The following VAV2 variants were observed in gnomAD, a reference collection of about 807,000 sequenced individuals.
The protein encoded by VAV2 is guanine nucleotide exchange factor VAV2.
In VAV2, 67 loss-of-function variants were observed where a neutral mutation model predicts 132.5. The ratio of observed to expected loss-of-function variants is 0.51; its 90% confidence interval spans 0.42 to 0.62. The LOEUF (loss-of-function observed/expected upper bound fraction) is 0.62. Ranked by LOEUF, VAV2 falls within the 20% of genes least tolerant of loss-of-function variation. The pLI, the probability that VAV2 is intolerant of heterozygous loss-of-function variation, is 0.00. For synonymous variants in VAV2, 492 were observed against 443.5 expected, an observed-to-expected ratio of 1.11 and a Z score of -1.37; for missense variants, 938 against 1,153.6, an observed-to-expected ratio of 0.81 and a Z score of 2.71.
chr9:133,801,488 C>A (rs1432717658), intron 9 of VAV2, among the ~76,000 whole-genome samples: 1 of 152,202 alleles, frequency 6.6e-6, no homozygotes, highest in Non-Finnish European at 1.5e-5. Flanking sequence ...ACTCTCTCTC[C>A]GTGGAGTCCA....
chr9:133,974,394 C>T (rs1214814855), intron 1 of VAV2, among the ~76,000 whole-genome samples: 1 of 152,122 alleles, frequency 6.6e-6, no homozygotes. Context: ...AGCCACTCGC[C>T]GGGTGGGAGT....
intron 20 of VAV2, 174 bp from the exon 21 acceptor site, chr9:133,780,113 T>C: frequency 1.3e-6 from 1 of 798,942 alleles, no homozygotes; most frequent in East Asian, 2.6e-5. Context: ...ACCCTGGCAA[T>C]ATATTTCACC....
intron 7 of VAV2, 68 bp downstream of exon 7, chr9:133,808,972 G>A (rs1049982033): frequency 1.4e-6 from 2 of 1,437,990 alleles, no homozygotes; most frequent in Admixed American, 1.8e-5. Context: ...GCACTCCCAG[G>A]AGATAGGTGG....
rs1837448812 is a variant in VAV2 at position 133,857,972 on chromosome 9, T to C, written c.380+3402A>G. ...CTCTGCGCCCAGGAGGCCCTTCCCT[T>C]TGGCCTGCAAACACCTCCCCTTCGT... On this transcript the variant is annotated intron_variant, in intron 3 of 29. Transcript: ENST00000371850. This position sits in a 1 kb window ranked among gnomAD's most constrained non-coding sequence, Gnocchi z 4.0. Among the ~76,000 whole-genome samples the C allele has an allele frequency of 6.6e-6, 1 of 152,176 alleles. No homozygotes were observed. Among genetic ancestry groups the C allele is most frequent in the Admixed American group, 6.5e-5 (1 of 15,282 alleles).
At position 133,762,653 on chromosome 9, in the gene VAV2, C is replaced by G. The variant is rs964115652; in HGVS notation, c.*1409G>C. 1 of 152,836 alleles carries G rather than the reference C, an allele frequency of 6.5e-6. No individual in the cohort carries two copies. The highest frequency in any genetic ancestry group is 1.5e-5 in the Non-Finnish European group (1 of 68,592). The allele number at this position is 152,836 out of a possible 1,614,324, so 9.5% of individuals were successfully genotyped here. On this transcript the variant is annotated 3_prime_UTR_variant, in exon 30 of 30. Transcript: ENST00000371850. This position sits in a 1 kb window ranked among gnomAD's most constrained non-coding sequence, Gnocchi z 5.0. Reference sequence around the variant, plus strand: ...AAGCCTTTGTCGAGGGCCCCTCTCTCCCCCTGCCGCTCCCCATCCCCATGA... The same window carrying G: ...AAGCCTTTGTCGAGGGCCCCTCTCTGCCCCTGCCGCTCCCCATCCCCATGA...
At chr9:133,903,187 C>T (rs534636100) in intron 2 of VAV2, among the ~76,000 whole-genome samples, 110 of 149,440 alleles carry the variant, frequency 7.4e-4, no homozygotes, top group Admixed American at 2.6e-3. Context: ...GAGAGTGCCC[C>T]GGGACACAGT....
intron 2 of VAV2, among the ~76,000 whole-genome samples, chr9:133,887,500 C>T (rs752351424): frequency 1.5e-4 from 23 of 152,164 alleles, no homozygotes; most frequent in Non-Finnish European, 3.2e-4. Context: ...TACCCCACCC[C>T]ACAAAATGTA....
intron 2 of VAV2, among the ~76,000 whole-genome samples, chr9:133,874,082 G>A (rs992806673): frequency 1.3e-5 from 2 of 152,236 alleles, no homozygotes; most frequent in Admixed American, 1.3e-4. Flanking sequence ...GACAGCTGGT[G>A]CCTCTGGCAG....
chr9:133,968,917 C>T (rs564865396), intron 1 of VAV2, among the ~76,000 whole-genome samples: 3 of 152,246 alleles, frequency 2.0e-5, no homozygotes, highest in South Asian at 2.1e-4. Flanking sequence ...GGCTATTTCC[C>T]GATTAAAGCT....
chr9:133,941,964 T>C (rs1446169872), intron 1 of VAV2, among the ~76,000 whole-genome samples: 1 of 151,576 alleles, frequency 6.6e-6, no homozygotes, highest in Non-Finnish European at 1.5e-5. Context: ...AGGAGAATAG[T>C]GGGCGCCCTC....
intron 2 of VAV2, among the ~76,000 whole-genome samples, chr9:133,878,679 C>G (rs1283289736): frequency 6.6e-6 from 1 of 152,244 alleles, no homozygotes; most frequent in African/African-American, 2.4e-5. Context: ...CCGCCCGTCT[C>G]AGGAGGAGGA....
chr9:133,902,078 GAC>G (rs901595911), intron 2 of VAV2, among the ~76,000 whole-genome samples: 2 of 150,300 alleles, frequency 1.3e-5, no homozygotes, highest in African/African-American at 4.9e-5. Flanking sequence ...GGCCAAAAGT[GAC>G]ACAGTTTCGT....
At chr9:133,984,708 T>G (rs1188390084) in intron 1 of VAV2, among the ~76,000 whole-genome samples, 1 of 152,130 alleles carries the variant, frequency 6.6e-6, no homozygotes, top group African/African-American at 2.4e-5. Context: ...ATGCATAGGC[T>G]ACCAGCATGG....
chr9:133,936,451 C>T lies in VAV2; in HGVS notation c.321+2652G>A, dbSNP rs556394065. ...AGAGACAGGGTTTCACCGTGTTGCC[C>T]AGACTGGTTTCGAACTCCTAACTTC... On this transcript the variant is annotated intron_variant, in intron 2 of 29. Transcript: ENST00000371850. Among the ~76,000 whole-genome samples the T allele has an allele frequency of 8.5e-5, 13 of 152,188 alleles. No homozygotes were observed. The East Asian group carries it at 2.5e-3, about 29-fold the overall frequency.
chr9:133,913,706 C>G (rs1839961164), intron 2 of VAV2, among the ~76,000 whole-genome samples: 2 of 152,274 alleles, frequency 1.3e-5, no homozygotes, highest in Admixed American at 6.5e-5. Flanking sequence ...AGGGCCACGA[C>G]TGAGAACTCC....
intron 10 of VAV2, 30 bp from the exon 11 acceptor site, chr9:133,796,554 C>A (rs772918104): frequency 1.9e-6 from 3 of 1,599,234 alleles, no homozygotes; most frequent in Admixed American, 3.4e-5. Context: ...ATGGGAGAGC[C>A]CTCCCCGAGG....
chr9:133,901,248 T>C (rs1460298290), intron 2 of VAV2, among the ~76,000 whole-genome samples: 1 of 152,188 alleles, frequency 6.6e-6, no homozygotes, highest in Non-Finnish European at 1.5e-5. Context: ...ATGGCGACCA[T>C]TTATTGGGCG....
intron 2 of VAV2, among the ~76,000 whole-genome samples, chr9:133,913,675 G>A (rs1839960464): frequency 6.6e-6 from 1 of 152,168 alleles, no homozygotes; most frequent in Non-Finnish European, 1.5e-5. Context: ...ACAGGGAGGG[G>A]GCAAAGTCAG....
At chr9:133,973,782 C>G (rs1180530742) in intron 1 of VAV2, among the ~76,000 whole-genome samples, 1 of 152,222 alleles carries the variant, frequency 6.6e-6, no homozygotes, top group African/African-American at 2.4e-5. Context: ...ACACCCCCAT[C>G]ATGAGAAAGG....
Sources: gnomAD v4.1 joint callset for allele counts (sites outside exome capture counted in the v4.1 genomes callset) on GRCh38, gnomAD v4.1.1 for gene constraint, Gnocchi (gnomAD v3.1) non-coding constraint, MANE v1.5 for transcripts, NCBI Gene and HGNC (gene_info 2026-07-23, HGNC 2026-07-21) for gene names.